The following PRKG1 variants were observed in gnomAD, a reference collection of about 807,000 sequenced individuals.
PRKG1 encodes the protein protein kinase cGMP-dependent 1, also known as cGMP-dependent protein kinase 1.
PRKG1 carries 35 observed loss-of-function variants against 88.1 expected under a neutral mutation model. The observed-to-expected ratio is 0.40, with a 90% CI of 0.30 to 0.53. The LOEUF (loss-of-function observed/expected upper bound fraction) is 0.53, where lower values mean the gene tolerates loss of function less well. Ranked by LOEUF, PRKG1 falls within the 20% of genes least tolerant of loss-of-function variation. The probability of loss-of-function intolerance (pLI) is 0.59; values close to 1 mark genes in which losing one functional copy is unlikely to be tolerated. For synonymous variants in PRKG1, 303 were observed against 292.5 expected, an observed-to-expected ratio of 1.04 and a Z score of -0.37; for missense variants, 540 against 839.8, an observed-to-expected ratio of 0.64 and a Z score of 4.41.
chr10:52,258,781 A>G (rs961636488), intron 10 of PRKG1, among the ~76,000 whole-genome samples: 1 of 152,102 alleles, frequency 6.6e-6, no homozygotes, highest in African/African-American at 2.4e-5. Flanking sequence ...ATATTATGCT[A>G]TTGTGTTAAA....
chr10:52,043,524 CAGAG>C (rs1331211216), intron 5 of PRKG1, among the ~76,000 whole-genome samples: 1 of 151,680 alleles, frequency 6.6e-6, no homozygotes, highest in Non-Finnish European at 1.5e-5. Context: ...TTCATAAAAA[CAGAG>C]AGTAGAATAT....
chr10:51,033,620 C>A (rs1285034679), intron 1 of PRKG1, among the ~76,000 whole-genome samples: 1 of 152,138 alleles, frequency 6.6e-6, no homozygotes, highest in Non-Finnish European at 1.5e-5. Flanking sequence ...ATCTACCACA[C>A]GGCCCTCTAG....
chr10:51,187,722 T>C (rs1013097117), intron 2 of PRKG1, among the ~76,000 whole-genome samples: 4 of 152,016 alleles, frequency 2.6e-5, no homozygotes, highest in African/African-American at 9.7e-5. Flanking sequence ...TACAGACATT[T>C]GTTGTTTCTC....
intron 4 of PRKG1, among the ~76,000 whole-genome samples, chr10:51,897,868 T>A (rs1343893142): frequency 8.0e-6 from 1 of 125,146 alleles, no homozygotes; most frequent in Non-Finnish European, 1.8e-5. Context: ...GGCAGAAGGA[T>A]TTTTTTTTTT....
intron 4 of PRKG1, among the ~76,000 whole-genome samples, chr10:51,821,683 A>ATATATATTGTCC (rs1564660971): frequency 1.3e-5 from 2 of 151,704 alleles, no homozygotes; most frequent in African/African-American, 4.9e-5. Context: ...GTATTGACCT[A>ATATATATTGTCC]TATATATTGA....
intron 7 of PRKG1, among the ~76,000 whole-genome samples, chr10:52,100,452 T>C (rs1213188444): frequency 6.6e-6 from 1 of 152,150 alleles, no homozygotes; most frequent in Non-Finnish European, 1.5e-5. Context: ...ATGAAACCGT[T>C]TTTATTTGTT....
chr10:52,262,601 G>A (rs1841458562), intron 10 of PRKG1, among the ~76,000 whole-genome samples: 1 of 151,894 alleles, frequency 6.6e-6, no homozygotes, highest in African/African-American at 2.4e-5. Context: ...AGGAAAATAA[G>A]GCTTTAGGAT....
At chr10:51,197,399 A>G (rs547056257) in intron 2 of PRKG1, among the ~76,000 whole-genome samples, 57 of 152,040 alleles carry the variant, frequency 3.7e-4, no homozygotes, top group African/African-American at 1.2e-3. Flanking sequence ...CAGCCTCCCA[A>G]GTGGCTGGGA....
intron 5 of PRKG1, among the ~76,000 whole-genome samples, chr10:51,986,954 C>A (rs925139608): frequency 2.6e-5 from 4 of 151,908 alleles, no homozygotes; most frequent in African/African-American, 9.7e-5. Context: ...TTTCAGTATT[C>A]TTTTATTAGG....
intron 2 of PRKG1, among the ~76,000 whole-genome samples, chr10:51,271,832 G>T (rs1018479575): frequency 1.3e-5 from 2 of 152,192 alleles, no homozygotes; most frequent in African/African-American, 4.8e-5. Flanking sequence ...GGGCATTTGG[G>T]TTGGTTACAA....
chr10:51,060,289 T>C (rs552306342), intron 1 of PRKG1, among the ~76,000 whole-genome samples: 70 of 152,224 alleles, frequency 4.6e-4, no homozygotes, highest in African/African-American at 1.6e-3. Flanking sequence ...GTTTATTTAC[T>C]AATACATTTT....
chr10:51,724,366 A>C (rs758687219), intron 3 of PRKG1, among the ~76,000 whole-genome samples: 11 of 152,192 alleles, frequency 7.2e-5, no homozygotes, highest in Non-Finnish European at 1.0e-4. Context: ...CTTTGGAAGA[A>C]GATAGATTTC....
intron 2 of PRKG1, among the ~76,000 whole-genome samples, chr10:51,163,406 C>T (rs1312971944): frequency 1.3e-5 from 2 of 152,134 alleles, no homozygotes; most frequent in African/African-American, 2.4e-5. Flanking sequence ...TATGGGAGGG[C>T]AGCCAAGATG....
At chr10:51,313,160 G>A (rs1478544511) in intron 2 of PRKG1, among the ~76,000 whole-genome samples, 1 of 151,792 alleles carries the variant, frequency 6.6e-6, no homozygotes, top group Non-Finnish European at 1.5e-5. Context: ...CTGATATTCT[G>A]GATTAAATTT....
intron 8 of PRKG1, among the ~76,000 whole-genome samples, chr10:52,141,401 A>G (rs1479611038): frequency 6.6e-6 from 1 of 152,112 alleles, no homozygotes; most frequent in Non-Finnish European, 1.5e-5. Flanking sequence ...ATGGTAATAG[A>G]CATTCATCCT....
At chr10:51,449,364 T>C (rs1476599567) in intron 2 of PRKG1, among the ~76,000 whole-genome samples, 1 of 151,598 alleles carries the variant, frequency 6.6e-6, no homozygotes, top group African/African-American at 2.4e-5. Flanking sequence ...ACGTGGGAAA[T>C]GTGAAGAACT....
At chr10:51,605,478 T>C (rs1838740181) in intron 3 of PRKG1, among the ~76,000 whole-genome samples, 1 of 152,164 alleles carries the variant, frequency 6.6e-6, no homozygotes, top group Non-Finnish European at 1.5e-5. Context: ...CATATGTGCT[T>C]GCTGAGCCCT....
At chr10:52,269,613 A>G (rs1186995692) in intron 10 of PRKG1, among the ~76,000 whole-genome samples, 1 of 152,060 alleles carries the variant, frequency 6.6e-6, no homozygotes, top group Non-Finnish European at 1.5e-5. Flanking sequence ...ATAATTAACG[A>G]CTAAAGAGGG....
At chr10:51,646,436 T>A (rs1439425651) in intron 3 of PRKG1, among the ~76,000 whole-genome samples, 1 of 152,168 alleles carries the variant, frequency 6.6e-6, no homozygotes, top group African/African-American at 2.4e-5. Context: ...CGCATTTTTT[T>A]ATCTTACATC....
Sources: allele counts gnomAD v4.1 joint callset (sites outside exome capture counted in the v4.1 genomes callset), GRCh38; gene constraint gnomAD v4.1.1; transcripts MANE v1.5; gene names NCBI Gene and HGNC (gene_info 2026-07-23, HGNC 2026-07-21).